The following MTOR variants were observed in gnomAD, a reference collection of about 807,000 sequenced individuals.
The protein encoded by MTOR is mechanistic target of rapamycin kinase, also known as serine/threonine-protein kinase mTOR.
A neutral mutation model predicts 319.8 loss-of-function variants in MTOR; 70 were observed. The ratio of observed to expected loss-of-function variants is 0.22; its 90% confidence interval spans 0.18 to 0.27. The LOEUF (loss-of-function observed/expected upper bound fraction) is 0.27, where lower values mean the gene tolerates loss of function less well. Among genes scored for constraint, MTOR ranks in the 10% least tolerant of loss-of-function variants. The pLI is 1.00. For synonymous variants in MTOR, 1,183 were observed against 1,211.4 expected (o/e 0.98, Z 0.49); for missense variants, 1,890 against 3,274.4 (o/e 0.58, Z 10.32).
At chr1:11,191,274 A>G (rs545451580) in intron 28 of MTOR, among the ~76,000 whole-genome samples, 1 of 152,226 alleles carries the variant, frequency 6.6e-6, no homozygotes, top group East Asian at 1.9e-4. Flanking sequence ...CTTATATTCT[A>G]TAAGTAGGTA....
At chr1:11,155,764 C>A (rs1644298920) in intron 30 of MTOR, among the ~76,000 whole-genome samples, 1 of 152,160 alleles carries the variant, frequency 6.6e-6, no homozygotes, top group South Asian at 2.1e-4. Context: ...ATTACGACAG[C>A]CTGGTTGTCT....
intron 30 of MTOR, 50 bp downstream of exon 30, chr1:11,157,102 A>G (rs1231446151): frequency 2.0e-6 from 3 of 1,522,404 alleles, no homozygotes; most frequent in Non-Finnish European, 2.6e-6. Flanking sequence ...CAAAGATCAA[A>G]GAGACGAAGT....
chr1:11,159,839 C>T (rs191873856), intron 29 of MTOR, among the ~76,000 whole-genome samples: 1 of 152,228 alleles, frequency 6.6e-6, no homozygotes, highest in African/African-American at 2.4e-5. Flanking sequence ...ACATGACTAA[C>T]AAAAGGTTCC....
chr1:11,198,877 T>C (rs977499572), intron 28 of MTOR, among the ~76,000 whole-genome samples: 2 of 152,208 alleles, frequency 1.3e-5, no homozygotes, highest in Non-Finnish European at 1.5e-5. Context: ...CACTGTGCCC[T>C]TGAGTACCCT....
At chr1:11,154,201 C>T (rs1012944811) in intron 30 of MTOR, among the ~76,000 whole-genome samples, 1 of 149,696 alleles carries the variant, frequency 6.7e-6, no homozygotes, top group African/African-American at 2.5e-5. Flanking sequence ...ACAACAACAG[C>T]TTTAGTTATA....
At position 11,115,514 on chromosome 1, in the gene MTOR, C is replaced by T. The variant is rs757526336; in HGVS notation, c.7017-46G>A. On this transcript the variant is annotated intron_variant, in intron 50 of 57. Coordinates refer to ENST00000361445, the MANE Select transcript of MTOR (RefSeq NM_004958.4). This position sits in a 1 kb window ranked among gnomAD's most constrained non-coding sequence, Gnocchi z 4.5. ...ATCAGGGAGGGATCAACAGAGATAA[C>T]GGATGAAAAAATCAATAAGTACGTG... The T allele has an allele frequency of 2.0e-5, 31 of 1,576,042 alleles. No individual in the cohort carries two copies. The highest frequency in any genetic ancestry group is 1.3e-4 in the South Asian group (12 of 90,238).
At chr1:11,173,072 C>T (rs1415940128) in intron 28 of MTOR, among the ~76,000 whole-genome samples, 1 of 151,916 alleles carries the variant, frequency 6.6e-6, no homozygotes, top group Non-Finnish European at 1.5e-5. Flanking sequence ...CAGCTCACTG[C>T]ACCCTCCGCT....
intron 19 of MTOR, among the ~76,000 whole-genome samples, chr1:11,216,861 A>C (rs1313490525): frequency 2.0e-5 from 3 of 152,186 alleles, no homozygotes; most frequent in African/African-American, 7.2e-5. Context: ...CTTAAATGGG[A>C]TAATTCATGT....
intron 36 of MTOR, among the ~76,000 whole-genome samples, chr1:11,136,759 TC>T (rs1482243759): frequency 6.6e-6 from 1 of 151,880 alleles, no homozygotes. Context: ...CACCACGGCC[TC>T]CCAAAGTGCT....
At chr1:11,238,124 T>TACGCTGATGGCAGTGGAG in intron 12 of MTOR, 76 bp from the exon 13 acceptor site, 4 of 1,401,824 alleles carry the variant, frequency 2.9e-6, no homozygotes, top group Non-Finnish European at 4.0e-6. Context: ...CTACCTCCAC[T>TACGCTGATGGCAGTGGAG]GCCATCAGCG....
intron 54 of MTOR, among the ~76,000 whole-genome samples, chr1:11,112,137 T>G (rs1050067436): frequency 6.6e-6 from 1 of 152,224 alleles, no homozygotes; most frequent in Non-Finnish European, 1.5e-5. Context: ...TCTAGACCCC[T>G]GCTCTGTGAG....
intron 13 of MTOR, among the ~76,000 whole-genome samples, chr1:11,237,092 C>G (rs1402449602): frequency 6.6e-6 from 1 of 151,982 alleles, no homozygotes; most frequent in East Asian, 1.9e-4. Flanking sequence ...CAAAACAAAC[C>G]ATGAAGGAGG....
At chr1:11,172,390 T>C (rs1426036176) in intron 28 of MTOR, among the ~76,000 whole-genome samples, 2 of 148,080 alleles carry the variant, frequency 1.4e-5, no homozygotes, top group African/African-American at 2.5e-5. Context: ...ACCCCGTCTC[T>C]ACTAAAAATA....
Position 11,127,072 on chromosome 1 carries a change from G to C in MTOR, c.6289C>G (p.Leu2097Val). 1 of 1,614,160 alleles carries C rather than the reference G, an allele frequency of 6.2e-7. No homozygotes were observed. The highest frequency in any genetic ancestry group is 8.5e-7 in the Non-Finnish European group (1 of 1,180,038). The change falls in exon 45 of 58, where the codon CTC becomes GTC. Residue 2097 changes from leucine (L) to valine (V), a missense_variant. This residue lies in a region of MTOR where 249 missense variants were observed against 596.2 expected (regional missense o/e 0.42). Coordinates refer to ENST00000361445, the MANE Select transcript of MTOR (RefSeq NM_004958.4). The surrounding 1 kb of genome is among the most constrained non-coding windows in gnomAD (Gnocchi z 5.5). ...KYMKSGNVKD[L>V]TQAWDLYYHV... ...TAATAGAGGTCCCAGGCTTGGGTGAGGTCCTTGACATTCCCTGATTTCATG... is the reference window on the plus strand; with the variant it reads ...TAATAGAGGTCCCAGGCTTGGGTGACGTCCTTGACATTCCCTGATTTCATG...
At chr1:11,222,429 C>T (rs1646697831) in intron 19 of MTOR, among the ~76,000 whole-genome samples, 2 of 152,124 alleles carry the variant, frequency 1.3e-5, no homozygotes, top group Non-Finnish European at 1.5e-5. Flanking sequence ...GATCTCCTGA[C>T]CTTGTGATCC....
Position 11,107,381 on chromosome 1 carries a change from T to C in MTOR, c.*104A>G. On this transcript the variant is annotated 3_prime_UTR_variant, in exon 58 of 58. Coordinates refer to ENST00000361445, the MANE Select transcript of MTOR (RefSeq NM_004958.4). ...TTCTTTTCATTTACATTTCAAAATA[T>C]TTAACAAAGTCAAACTTTCTCACCA... 1.3e-6 allele frequency: 2 copies of C among 1,562,856 alleles called. No homozygotes were observed. Among genetic ancestry groups the C allele is most frequent in the Non-Finnish European group, 8.6e-7 (1 of 1,162,266 alleles).
At chr1:11,170,708 T>C (rs1489850500) in intron 28 of MTOR, among the ~76,000 whole-genome samples, 3 of 150,514 alleles carry the variant, frequency 2.0e-5, no homozygotes, top group Non-Finnish European at 4.4e-5. Context: ...TTTTGAGAGA[T>C]GGAGTTTCAC....
chr1:11,175,857 C>T (rs1157215482), intron 28 of MTOR, among the ~76,000 whole-genome samples: 8 of 151,834 alleles, frequency 5.3e-5, no homozygotes, highest in Admixed American at 2.0e-4. Flanking sequence ...GATTCTCATG[C>T]CTCAGTCTCT....
chr1:11,209,560 G>T, intron 24 of MTOR, 102 bp from the exon 25 acceptor site: 1 of 1,385,662 alleles, frequency 7.2e-7, no homozygotes. Flanking sequence ...GTAGAGCCAG[G>T]ATTTCAGTAA....
Sources: gnomAD v4.1 joint callset for allele counts (sites outside exome capture counted in the v4.1 genomes callset) on GRCh38, gnomAD v4.1.1 for gene constraint, gnomAD v4.1.1 regional missense constraint, Gnocchi (gnomAD v3.1) non-coding constraint, MANE v1.5 for transcripts, NCBI Gene and HGNC (gene_info 2026-07-23, HGNC 2026-07-21) for gene names.